The following HORMAD2 variants were observed in gnomAD, a reference collection of about 807,000 sequenced individuals.
HORMAD2 encodes HORMA domain-containing protein 2.
HORMAD2 carries 45 observed loss-of-function variants against 38.8 expected under a neutral mutation model. The observed-to-expected ratio is 1.16, with a 90% confidence interval of 0.91 to 1.49. The LOEUF (loss-of-function observed/expected upper bound fraction) is 1.49, where lower values mean the gene tolerates loss of function less well. Among genes scored for constraint, HORMAD2 ranks in the 40% most tolerant of loss-of-function variants. The pLI, the probability that HORMAD2 is intolerant of heterozygous loss-of-function variation, is 0.00. For missense variants in HORMAD2, 338 were observed against 367.0 expected, an observed-to-expected ratio of 0.92 and a Z score of 0.65; for synonymous variants, 126 against 122.8, an observed-to-expected ratio of 1.03 and a Z score of -0.17.
At chr22:30,106,686 T>G (rs1921223309) in intron 5 of HORMAD2, among the ~76,000 whole-genome samples, 1 of 152,202 alleles carries the variant, frequency 6.6e-6, no homozygotes, top group Admixed American at 6.5e-5. Flanking sequence ...AGTCAGATGG[T>G]CTGAAGAATC....
intron 10 of HORMAD2, among the ~76,000 whole-genome samples, chr22:30,133,340 C>CA (rs1216965926): frequency 2.0e-5 from 3 of 151,752 alleles, no homozygotes; most frequent in Non-Finnish European, 4.4e-5. Flanking sequence ...ATTAGGATCT[C>CA]AAAATTGAGA....
intron 10 of HORMAD2, among the ~76,000 whole-genome samples, chr22:30,144,349 G>T (rs1924276269): frequency 6.6e-6 from 1 of 152,132 alleles, no homozygotes; most frequent in South Asian, 2.1e-4. Context: ...CTGAAAACTG[G>T]CCAGCCTACA....
chr22:30,128,025 T>C (rs1923005963), intron 10 of HORMAD2, among the ~76,000 whole-genome samples: 1 of 152,200 alleles, frequency 6.6e-6, no homozygotes, highest in African/African-American at 2.4e-5. Context: ...GTCTCTTTGA[T>C]GTCATCATTG....
chr22:30,122,276 TTC>T (rs2146130927), intron 10 of HORMAD2, 62 bp downstream of exon 10: 2 of 1,497,106 alleles, frequency 1.3e-6, no homozygotes, highest in East Asian at 4.6e-5. Context: ...ATTTTTCAGT[TTC>T]TACCCAGGGC....
intron 2 of HORMAD2, 54 bp from the exon 3 acceptor site, chr22:30,098,798 A>G: frequency 2.0e-6 from 3 of 1,498,370 alleles, no homozygotes; most frequent in Non-Finnish European, 2.7e-6. Flanking sequence ...ATGATGTGCT[A>G]AACTGAATAT....
At chr22:30,181,828 C>T (rs1422228104), downstream of HORMAD2, among the ~76,000 whole-genome samples, 1 of 152,202 alleles carries the variant, frequency 6.6e-6, no homozygotes, top group African/African-American at 2.4e-5. Flanking sequence ...CAACATTTGA[C>T]TGTTTTTGAT....
rs1489260688 is a variant in HORMAD2 at position 30,136,498 on chromosome 22, A to G, written c.819+14284A>G. ...CTCCCCCAGTCCTAAATAATCATTA[A>G]TCTATTTTCTGTCTCCAGATTCGCC... On this transcript the variant is annotated intron_variant, in intron 10 of 10. Coordinates refer to ENST00000336726, the MANE Select transcript of HORMAD2 (RefSeq NM_152510.4). Among the ~76,000 whole-genome samples the G allele has an allele frequency of 3.3e-5, 5 of 152,284 alleles. No individual in the cohort carries two copies. The South Asian group carries it at 6.2e-4, about 19-fold the overall frequency.
At chr22:30,121,849 T>C in intron 9 of HORMAD2, 60 bp downstream of exon 9, 5 of 1,551,650 alleles carry the variant, frequency 3.2e-6, no homozygotes, top group Non-Finnish European at 4.3e-6. Flanking sequence ...TTTCTATAAG[T>C]AAAAGGATTT....
At chr22:30,177,269 T>C (rs1050560820), downstream of HORMAD2, among the ~76,000 whole-genome samples, 13 of 152,146 alleles carry the variant, frequency 8.5e-5, no homozygotes, top group African/African-American at 2.7e-4. Flanking sequence ...CTCCAGATTC[T>C]AACACACACA....
intron 3 of HORMAD2, among the ~76,000 whole-genome samples, chr22:30,100,878 A>G (rs1045954515): frequency 6.6e-6 from 1 of 152,236 alleles, no homozygotes; most frequent in Admixed American, 6.5e-5. Flanking sequence ...CAAAACCACA[A>G]TGAGATACCA....
chr22:30,130,586 C>CTTTTTTTTTTTTTTT (rs66636269), intron 10 of HORMAD2, among the ~76,000 whole-genome samples: 5 of 87,910 alleles, frequency 5.7e-5, no homozygotes, highest in Non-Finnish European at 1.1e-4. Flanking sequence ...CTTTTCTTTT[C>CTTTTTTTTTTTTTTT]TTTTTTTTTT....
rs148074962 is a variant in HORMAD2 at position 30,103,403 on chromosome 22, T to C, written c.194-34T>C. 9,789 of 1,202,558 alleles carry C rather than the reference T, an allele frequency of 8.1e-3. 50 individuals carry two copies. The highest frequency in any genetic ancestry group is 0.011 in the Non-Finnish European group (8,720 of 829,482). The allele number at this position is 1,202,558 out of a possible 1,614,324, so 74.5% of individuals were successfully genotyped here. A position where few individuals can be genotyped will look rare whatever the true frequency, so the allele number is the denominator to read the frequency against. The stretch of plus-strand genomic sequence containing the variant: ...CAATTTCAGTACAGCAGTCATTTAG[T>C]AGATAAAAATAGACTGTGTTTCTGT... On this transcript the variant is annotated intron_variant, in intron 3 of 10. Transcript: ENST00000336726.
At chr22:30,117,791 G>C (rs1488088455) in intron 7 of HORMAD2, among the ~76,000 whole-genome samples, 1 of 152,112 alleles carries the variant, frequency 6.6e-6, no homozygotes, top group Non-Finnish European at 1.5e-5. Context: ...TGGGATTATG[G>C]GCGTGAGCCA....
intron 1 of HORMAD2, among the ~76,000 whole-genome samples, chr22:30,085,979 T>TTTG (rs1405692209): frequency 3.3e-5 from 5 of 152,104 alleles, no homozygotes; most frequent in Non-Finnish European, 5.9e-5. Flanking sequence ...TATGATATGG[T>TTTG]TTGGATTTAT....
At chr22:30,096,840 GT>G (rs1410874133) in intron 2 of HORMAD2, among the ~76,000 whole-genome samples, 1 of 151,958 alleles carries the variant, frequency 6.6e-6, no homozygotes, top group Non-Finnish European at 1.5e-5. Flanking sequence ...GGTCATTTGG[GT>G]ATGCTCTTTT....
chr22:30,103,364 C>T, intron 3 of HORMAD2, 73 bp from the exon 4 acceptor site: 1 of 808,588 alleles, frequency 1.2e-6, no homozygotes, highest in Non-Finnish European at 2.1e-6. Flanking sequence ...AGGAAATACC[C>T]TATTTAGCAT....
At chr22:30,199,165 G>A in the HORMAD2 span, among the ~76,000 whole-genome samples, 1 of 152,176 alleles carries the variant, frequency 6.6e-6, no homozygotes, top group Non-Finnish European at 1.5e-5. Context: ...AGTTGTCCTG[G>A]TAATTACCAA....
At chr22:30,112,085 A>G (rs1053057903) in intron 6 of HORMAD2, among the ~76,000 whole-genome samples, 9 of 151,512 alleles carry the variant, frequency 5.9e-5, no homozygotes, top group African/African-American at 2.2e-4. Flanking sequence ...TACTTTACAG[A>G]CTCCAAATTT....
intron 10 of HORMAD2, among the ~76,000 whole-genome samples, chr22:30,133,831 A>G (rs1923457722): frequency 6.6e-6 from 1 of 152,116 alleles, no homozygotes; most frequent in African/African-American, 2.4e-5. Flanking sequence ...TTATATGCCA[A>G]TACTGTGCCA....
Sources: gnomAD v4.1 joint callset for allele counts (sites outside exome capture counted in the v4.1 genomes callset) on GRCh38, gnomAD v4.1.1 for gene constraint, MANE v1.5 for transcripts, NCBI Gene and HGNC (gene_info 2026-07-23, HGNC 2026-07-21) for gene names.